PSMG2: variants seen among roughly 807,000 people sequenced by gnomAD.
PSMG2 encodes proteasome assembly chaperone 2.
Under a neutral mutation model 31.5 loss-of-function variants are expected in PSMG2, and 21 were observed. That is an observed-to-expected ratio of 0.67 (90% CI 0.47 to 0.96). The LOEUF is 0.96. Ranked by LOEUF, PSMG2 falls within the 40% of genes least tolerant of loss-of-function variation. The probability of loss-of-function intolerance (pLI) is 0.00; values close to 1 mark genes in which losing one functional copy is unlikely to be tolerated. For synonymous variants in PSMG2, 120 were observed against 110.4 expected, an observed-to-expected ratio of 1.09 and a Z score of -0.54; for missense variants, 318 against 321.2, an observed-to-expected ratio of 0.99 and a Z score of 0.08.
At chr18:12,702,712 T>C (rs1366617427), upstream of PSMG2, 3 of 735,834 alleles carry the variant, frequency 4.1e-6, no homozygotes, top group Non-Finnish European at 6.3e-6. Context: ...GGCCGGGGGC[T>C]GACCTGGAAA....
intron 1 of PSMG2, 57 bp from the exon 2 acceptor site, chr18:12,706,488 AAAAAT>A (rs1334066045): frequency 4.0e-5 from 62 of 1,569,608 alleles, no homozygotes; most frequent in East Asian, 2.9e-4. Flanking sequence ...CTCTGTTTCA[AAAAAT>A]AAAATAAAGT....
At chr18:12,667,760 CAAA>C (rs67167827) in intron 1 of PSMG2, among the ~76,000 whole-genome samples, 25 of 89,926 alleles carry the variant, frequency 2.8e-4, no homozygotes, top group Middle Eastern at 6.6e-3. Context: ...GACTCTTTCT[CAAA>C]AAAAAAAAAA....
At chr18:12,698,421 G>A (rs1229055087), upstream of PSMG2, among the ~76,000 whole-genome samples, 3 of 151,930 alleles carry the variant, frequency 2.0e-5, no homozygotes, top group Non-Finnish European at 4.4e-5. Context: ...CACCTGCCTT[G>A]GCCTCCCAAA....
At chr18:12,711,238 C>T (rs1379950837) in intron 2 of PSMG2, among the ~76,000 whole-genome samples, 2 of 150,786 alleles carry the variant, frequency 1.3e-5, no homozygotes, top group Non-Finnish European at 3.0e-5. Context: ...CACCACTGCA[C>T]TTCAGCCTGG....
intron 1 of PSMG2, among the ~76,000 whole-genome samples, chr18:12,663,274 G>T (rs2038735990): frequency 6.6e-6 from 1 of 152,072 alleles, no homozygotes; most frequent in South Asian, 2.1e-4. Flanking sequence ...AACAAAATAA[G>T]GCCCAAAAAT....
chr18:12,664,427 G>A (rs1267764710), intron 1 of PSMG2, among the ~76,000 whole-genome samples: 2 of 151,940 alleles, frequency 1.3e-5, no homozygotes, highest in South Asian at 2.1e-4. Context: ...GCATGTGCCT[G>A]TAGTCCCAGC....
intron 1 of PSMG2, chr18:12,672,807 TCTTG>T: frequency 1.0e-6 from 1 of 983,908 alleles, no homozygotes; most frequent in Non-Finnish European, 1.2e-6. Flanking sequence ...TTTTTCCTAC[TCTTG>T]CTTCAAGGTC....
At chr18:12,715,400 G>T (rs1156648428) in intron 3 of PSMG2, among the ~76,000 whole-genome samples, 1 of 152,218 alleles carries the variant, frequency 6.6e-6, no homozygotes, top group Non-Finnish European at 1.5e-5. Context: ...GAAGCTCTCA[G>T]TAAATATTTG....
chr18:12,702,138 A>C (rs1254902041), upstream of PSMG2, among the ~76,000 whole-genome samples: 1 of 152,156 alleles, frequency 6.6e-6, no homozygotes, highest in Admixed American at 6.5e-5. Flanking sequence ...AAGAAAAAAA[A>C]CCTGATATCT....
At position 12,718,594 on chromosome 18, in the gene PSMG2, A is replaced by C; in HGVS notation, c.366A>C (p.Ser122=). Residue 122 remains serine (S), a synonymous_variant, in exon 4 of 7, where the codon TCA becomes TCC. Coordinates refer to ENST00000317615, the MANE Select transcript of PSMG2 (RefSeq NM_020232.5). ...SSGCARVIVL[S]SSHSYQRNDL... is the part of the protein sequence containing the mutation. ...GCTGTGCCAGAGTCATTGTTCTTTC[A>C]AGCAGTCATTCATATCAGCGTAATG... 1.2e-6 allele frequency: 2 copies of C among 1,610,666 alleles called. No homozygotes were observed. Among genetic ancestry groups the C allele is most frequent in the Non-Finnish European group, 1.7e-6 (2 of 1,178,066 alleles).
intron 1 of PSMG2, among the ~76,000 whole-genome samples, chr18:12,679,935 A>G (rs1437988240): frequency 1.3e-5 from 2 of 152,066 alleles, no homozygotes; most frequent in African/African-American, 4.8e-5. Flanking sequence ...GCACACCTGC[A>G]GTCCCAGCTA....
At chr18:12,662,237 C>T in intron 1 of PSMG2, 1 of 436,840 alleles carries the variant, frequency 2.3e-6, no homozygotes, top group Non-Finnish European at 4.5e-6. Context: ...CCTAAATTTT[C>T]ATTGCCCACA....
intron 6 of PSMG2, 136 bp downstream of exon 6, chr18:12,724,755 T>A: frequency 2.9e-6 from 3 of 1,020,710 alleles, no homozygotes; most frequent in Non-Finnish European, 3.8e-6. Flanking sequence ...AAATTTAGTT[T>A]AAGCTGAACT....
chr18:12,703,206 C>T (rs2040217156), intron 1 of PSMG2, 42 bp downstream of exon 1: 1 of 1,570,754 alleles, frequency 6.4e-7, no homozygotes, highest in Non-Finnish European at 8.6e-7. Context: ...CTCCCGAGGC[C>T]CCTGCGGTGT....
chr18:12,705,363 G>A (rs570810535), intron 1 of PSMG2, among the ~76,000 whole-genome samples: 2 of 152,064 alleles, frequency 1.3e-5, no homozygotes, highest in South Asian at 2.1e-4. Context: ...CATGCCCGGC[G>A]CCCTTTTCTA....
intron 1 of PSMG2, among the ~76,000 whole-genome samples, chr18:12,690,067 G>A (rs188070756): frequency 2.9e-3 from 418 of 146,460 alleles, no homozygotes; most frequent in African/African-American, 9.8e-3. Context: ...GGGATTACAG[G>A]CGTGAGCCAC....
chr18:12,686,198 T>G, intron 1 of PSMG2: 1 of 1,327,750 alleles, frequency 7.5e-7, no homozygotes, highest in East Asian at 2.4e-5. Flanking sequence ...CTTTTACAAA[T>G]GGATTACAAA....
In PSMG2 at chr18:12,725,528, C is replaced by G; in HGVS notation, c.792C>G (p.Phe264Leu). The change falls in exon 7 of 7, where the codon TTC becomes TTG. Residue 264 changes from phenylalanine to leucine, a missense_variant. By Grantham distance (22) the Phe-to-Leu change is conservative (BLOSUM62 0). Transcript: ENST00000317615. ...LFGSGLPPALF is the reference protein window; with the variant it reads ...LFGSGLPPALL ...GCAGTGGTCTTCCCCCTGCACTTTT[C>G]TGATCTAATTTCTGTTTTATACCTT... 1 of 1,581,352 alleles carries G rather than the reference C, an allele frequency of 6.3e-7. No homozygotes were observed. The highest frequency in any genetic ancestry group is 8.7e-7 in the Non-Finnish European group (1 of 1,151,494).
chr18:12,703,415 G>A (rs993784733), intron 1 of PSMG2, among the ~76,000 whole-genome samples: 1 of 152,184 alleles, frequency 6.6e-6, no homozygotes, highest in African/African-American at 2.4e-5. Flanking sequence ...TGATGTGTTC[G>A]TACGTTCTAG....
Sources: gnomAD v4.1 joint callset for allele counts (sites outside exome capture counted in the v4.1 genomes callset) on GRCh38, gnomAD v4.1.1 for gene constraint, MANE v1.5 for transcripts, NCBI Gene and HGNC (gene_info 2026-07-23, HGNC 2026-07-21) for gene names.